The following TUT4 variants were observed in gnomAD, a reference collection of about 807,000 sequenced individuals.
TUT4 encodes terminal uridylyl transferase 4, also known as terminal uridylyltransferase 4.
A neutral mutation model predicts 192.2 loss-of-function variants in TUT4; 36 were observed. The observed-to-expected ratio is 0.19, with a 90% CI of 0.14 to 0.25. TUT4 has a LOEUF of 0.25. Ranked by LOEUF, TUT4 falls within the 10% of genes least tolerant of loss-of-function variation. TUT4 has a pLI of 1.00. For missense variants in TUT4, 1,493 were observed against 1,957.2 expected (o/e 0.76, Z 4.47); for synonymous variants, 618 against 666.0 (o/e 0.93, Z 1.11).
At chr1:52,543,381 A>T (rs2149697016) in intron 1 of TUT4, among the ~76,000 whole-genome samples, 1 of 152,342 alleles carries the variant, frequency 6.6e-6, no homozygotes. Context: ...ATAACCAAAG[A>T]AGTGAAAGAC....
chr1:52,441,168 T>C (rs1478879723), intron 24 of TUT4, among the ~76,000 whole-genome samples: 1 of 152,012 alleles, frequency 6.6e-6, no homozygotes, highest in African/African-American at 2.4e-5. Context: ...ATAGATCTAG[T>C]AGCAGAAAGC....
rs753978336 is a variant in TUT4 at position 52,545,058 on chromosome 1, A to C, written c.-94+7873T>G. Among the ~76,000 whole-genome samples, 277 of 98,086 alleles carry C rather than the reference A, an allele frequency of 2.8e-3. 1 individual carries two copies. Among genetic ancestry groups the C allele is most frequent in the Middle Eastern group, 9.4e-3 (2 of 212 alleles). 64.3% of individuals were successfully genotyped at this position (98,086 alleles called of 152,430 possible). ...GGGGACAGAGTGAGACCTTGTCCCC[A>C]AAAAAAAAAAAAAGCCAGAAAAGAA... is the stretch of plus-strand genomic sequence containing the variant. On this transcript the variant is annotated intron_variant, in intron 1 of 29. Coordinates refer to ENST00000257177, the MANE Select transcript of TUT4 (RefSeq NM_001009881.3).
chr1:52,452,125 C>T (rs1659614496), intron 20 of TUT4, among the ~76,000 whole-genome samples: 1 of 151,898 alleles, frequency 6.6e-6, no homozygotes, highest in South Asian at 2.1e-4. Context: ...CAGCATTACC[C>T]TAATACCAAA....
At chr1:52,543,950 A>G (rs1163034827) in intron 1 of TUT4, among the ~76,000 whole-genome samples, 1 of 152,150 alleles carries the variant, frequency 6.6e-6, no homozygotes, top group Non-Finnish European at 1.5e-5. Context: ...AAGAAAAACA[A>G]AAGTGGAGGA....
intron 13 of TUT4, among the ~76,000 whole-genome samples, chr1:52,474,107 C>A (rs912193533): frequency 2.0e-5 from 3 of 152,202 alleles, no homozygotes; most frequent in Non-Finnish European, 4.4e-5. Flanking sequence ...ACTCAGGAGG[C>A]TGAGGTGGGA....
chr1:52,505,022 T>C (rs1332646859), intron 4 of TUT4, among the ~76,000 whole-genome samples: 1 of 152,252 alleles, frequency 6.6e-6, no homozygotes, highest in Admixed American at 6.5e-5. Flanking sequence ...CTATTGTGAA[T>C]AATGTTGCCA....
intron 1 of TUT4, among the ~76,000 whole-genome samples, chr1:52,550,497 T>C (rs1689135987): frequency 2.1e-5 from 2 of 96,706 alleles, no homozygotes; most frequent in South Asian, 3.3e-4. Flanking sequence ...TAAGTATTGC[T>C]TTTTTTTTTT....
chr1:52,432,121 A>G (rs1010296708), intron 27 of TUT4: 6 of 152,214 alleles, frequency 3.9e-5, no homozygotes, highest in Non-Finnish European at 2.9e-5. Flanking sequence ...GAAAAAATTC[A>G]TGTATAAGTA....
rs72903665 is a variant in TUT4, at chr1:52,489,516, C to T, written c.1389-481G>A. Among the ~76,000 whole-genome samples, 471 of 152,248 alleles carry T rather than the reference C, an allele frequency of 3.1e-3. 4 individuals are homozygous for T. Among genetic ancestry groups the T allele is most frequent in the African/African-American group, 0.011 (444 of 41,540 alleles). On this transcript the variant is annotated intron_variant, in intron 8 of 29. Transcript: ENST00000257177. ...TCCTATCCAAGCTTTCACAATTGTA[C>T]TAATATGTTATTTTCAGAGTAAAGA...
chr1:52,508,470 T>C (rs78906088), intron 4 of TUT4, among the ~76,000 whole-genome samples: 1 of 152,234 alleles, frequency 6.6e-6, no homozygotes. Context: ...CTTCAGTTCA[T>C]TTGTTGTTTT....
intron 2 of TUT4, among the ~76,000 whole-genome samples, chr1:52,517,958 G>C (rs760757037): frequency 1.3e-5 from 2 of 152,156 alleles, no homozygotes; most frequent in Non-Finnish European, 2.9e-5. Context: ...AAGAATTAGA[G>C]AAAGCTGCCT....
intron 9 of TUT4, among the ~76,000 whole-genome samples, chr1:52,482,905 C>G (rs998706511): frequency 2.0e-4 from 31 of 152,214 alleles, no homozygotes; most frequent in Admixed American, 6.5e-5. Context: ...TTTCTATGAG[C>G]TGTATGCCTA....
intron 14 of TUT4, among the ~76,000 whole-genome samples, chr1:52,468,709 T>C (rs1382387859): frequency 6.6e-6 from 1 of 152,188 alleles, no homozygotes; most frequent in Non-Finnish European, 1.5e-5. Context: ...CTATAAACTG[T>C]TTTGCCTAAC....
At chr1:52,424,890 G>A (rs533498962) in intron 29 of TUT4, 30 of 152,986 alleles carry the variant, frequency 2.0e-4, no homozygotes, top group African/African-American at 4.1e-4. Context: ...ATATACCTCC[G>A]TCCTCTAGCC....
intron 3 of TUT4, among the ~76,000 whole-genome samples, chr1:52,510,337 A>AAAAAG (rs1676820006): frequency 1.3e-5 from 2 of 148,262 alleles, no homozygotes; most frequent in Non-Finnish European, 3.0e-5. Flanking sequence ...AAAAAAAAAA[A>AAAAAG]AAAAGAAAAG....
chr1:52,475,206 C>T lies in TUT4; in HGVS notation c.2353G>A (p.Val785Ile). 3 of 1,614,056 alleles carry T rather than the reference C, an allele frequency of 1.9e-6. No individual in the cohort carries two copies. Among genetic ancestry groups the T allele is most frequent in the Non-Finnish European group, 2.5e-6 (3 of 1,180,008 alleles). ...RCIIDNNNLL[V>I]NELDFADHGQ... Reference sequence around the variant, plus strand: ...TGGTCAGCAAAATCTAGTTCATTTACCAACAAATTGTTGTTGTCAATAATA... The same window carrying T: ...TGGTCAGCAAAATCTAGTTCATTTATCAACAAATTGTTGTTGTCAATAATA... The change falls in exon 13 of 30, where the codon GTA becomes ATA. Residue 785 changes from valine to isoleucine, a missense_variant. Physicochemically the swap from Val to Ile is conservative, Grantham distance 29. This residue lies in a region of TUT4 where 245 missense variants were observed against 218.4 expected (regional missense o/e 1.12). Transcript: ENST00000257177.
intron 24 of TUT4, among the ~76,000 whole-genome samples, chr1:52,443,996 G>A (rs1360622354): frequency 3.9e-5 from 6 of 152,090 alleles, no homozygotes; most frequent in Admixed American, 3.3e-4. Flanking sequence ...CCAGCACTTT[G>A]GGAGGCCAAG....
chr1:52,520,267 A>G (rs991332908), intron 2 of TUT4, among the ~76,000 whole-genome samples: 1 of 152,194 alleles, frequency 6.6e-6, no homozygotes, highest in African/African-American at 2.4e-5. Flanking sequence ...CTGTAAGAAC[A>G]CTAGCTTTTA....
At chr1:52,536,723 G>A (rs1684998330) in intron 1 of TUT4, among the ~76,000 whole-genome samples, 1 of 152,022 alleles carries the variant, frequency 6.6e-6, no homozygotes, top group African/African-American at 2.4e-5. Context: ...GCGTGGTGGT[G>A]GGTGCTTGTA....
Sources: gnomAD v4.1 joint callset for allele counts (sites outside exome capture counted in the v4.1 genomes callset) on GRCh38, gnomAD v4.1.1 for gene constraint, gnomAD v4.1.1 regional missense constraint, MANE v1.5 for transcripts, NCBI Gene and HGNC (gene_info 2026-07-23, HGNC 2026-07-21) for gene names.